RGS7: variants seen among roughly 807,000 people sequenced by gnomAD.
RGS7 encodes the protein regulator of G protein signaling 7.
RGS7 carries 27 observed loss-of-function variants against 81.1 expected under a neutral mutation model. The observed-to-expected ratio is 0.33, with a 90% confidence interval of 0.25 to 0.46. The LOEUF (loss-of-function observed/expected upper bound fraction) is 0.46, where lower values mean the gene tolerates loss of function less well. Among genes scored for constraint, RGS7 ranks in the 20% least tolerant of loss-of-function variants. The pLI is 1.00. For missense variants in RGS7, 396 were observed against 607.4 expected, an observed-to-expected ratio of 0.65 and a Z score of 3.66; for synonymous variants, 208 against 207.7, an observed-to-expected ratio of 1.00 and a Z score of -0.01.
chr1:241,264,777 A>G (rs2077499027), intron 2 of RGS7, among the ~76,000 whole-genome samples: 1 of 152,194 alleles, frequency 6.6e-6, no homozygotes, highest in African/African-American at 2.4e-5. Context: ...CAGTGGTTGG[A>G]GCAGAAAAGG....
At chr1:241,043,683 AGAT>A (rs893045149) in intron 3 of RGS7, among the ~76,000 whole-genome samples, 3 of 149,278 alleles carry the variant, frequency 2.0e-5, no homozygotes, top group African/African-American at 7.3e-5. Flanking sequence ...ATCTATATAT[AGAT>A]ATGAGAAAAA....
chr1:240,830,190 T>C (rs1693592667), intron 9 of RGS7, among the ~76,000 whole-genome samples: 1 of 152,214 alleles, frequency 6.6e-6, no homozygotes, highest in African/African-American at 2.4e-5. Context: ...AAGCCTCTTA[T>C]GTGGCAGTCA....
chr1:241,328,973 T>C (rs1332879402), intron 2 of RGS7, among the ~76,000 whole-genome samples: 8 of 152,172 alleles, frequency 5.3e-5, no homozygotes, highest in Non-Finnish European at 1.0e-4. Flanking sequence ...AAATGTGAAA[T>C]GGAAGTCATT....
chr1:241,226,412 G>A (rs765452225), intron 2 of RGS7, among the ~76,000 whole-genome samples: 1 of 152,164 alleles, frequency 6.6e-6, no homozygotes, highest in Non-Finnish European at 1.5e-5. Flanking sequence ...TGGTAGTTAG[G>A]ATGATTGGAT....
intron 3 of RGS7, among the ~76,000 whole-genome samples, chr1:241,090,600 C>T (rs1354257573): frequency 6.6e-6 from 1 of 152,132 alleles, no homozygotes; most frequent in Non-Finnish European, 1.5e-5. Flanking sequence ...TGATGTGTTG[C>T]TATTTCAATT....
chr1:241,304,369 A>C (rs1414982722), intron 2 of RGS7, among the ~76,000 whole-genome samples: 2 of 152,234 alleles, frequency 1.3e-5, no homozygotes, highest in Admixed American at 6.5e-5. Flanking sequence ...AAACCAGAGT[A>C]TAACTCTGGA....
chr1:241,186,433 G>GTT (rs895301395), intron 2 of RGS7: 4 of 903,408 alleles, frequency 4.4e-6, no homozygotes, highest in East Asian at 1.2e-4. Flanking sequence ...ATCTAAGATT[G>GTT]TTTTTTTTCT....
chr1:240,965,871 T>C (rs528566595), intron 4 of RGS7, among the ~76,000 whole-genome samples: 1 of 152,306 alleles, frequency 6.6e-6, no homozygotes, highest in Non-Finnish European at 1.5e-5. Context: ...TGTTAGTAAA[T>C]CGGGCACATT....
Position 240,868,989 on chromosome 1 carries a change from A to T in RGS7, c.451-137T>A. ...TAAGTGTACTGTGGTTCTCAATGAT[A>T]AGTCATGCTCCCTGAATTCAGCTCA... On this transcript the variant is annotated intron_variant, in intron 7 of 18. Transcript: ENST00000440928. This position sits in a 1 kb window ranked among gnomAD's most constrained non-coding sequence, Gnocchi z 5.1. 1.3e-6 allele frequency: 1 copy of T among 786,784 alleles called. No individual in the cohort carries two copies. Among genetic ancestry groups the T allele is most frequent in the Non-Finnish European group, 2.2e-6 (1 of 449,016 alleles). The allele number at this position is 786,784 out of a possible 1,614,324, so 48.7% of individuals were successfully genotyped here.
At chr1:241,232,200 C>A in intron 2 of RGS7, among the ~76,000 whole-genome samples, 1 of 151,748 alleles carries the variant, frequency 6.6e-6, no homozygotes, top group South Asian at 2.1e-4. Flanking sequence ...TATTCTCTCT[C>A]TCTCTCTCTC....
intron 10 of RGS7, among the ~76,000 whole-genome samples, chr1:240,825,947 G>C (rs935777672): frequency 2.0e-5 from 3 of 152,186 alleles, no homozygotes; most frequent in Non-Finnish European, 2.9e-5. Flanking sequence ...AAAGTATTTC[G>C]AAGAGTAATT....
At chr1:240,903,891 C>T (rs1218425624) in intron 6 of RGS7, among the ~76,000 whole-genome samples, 2 of 152,224 alleles carry the variant, frequency 1.3e-5, no homozygotes, top group South Asian at 2.1e-4. Context: ...TTCACCTTCT[C>T]CCATGAGAGG....
rs141894093 is a variant in RGS7, at chr1:241,195,460, G to A, written c.79-96698C>T. 4.1e-3 allele frequency among the ~76,000 whole-genome samples: 628 copies of A among 152,030 alleles called. 12 individuals carry two copies. The highest frequency in any genetic ancestry group is 0.015 in the African/African-American group (606 of 41,440). ...CATTGCACTCCAGCCTGGGTGAAAA[G>A]AGCAAGACTCCATCTAAAATAAATA... is the stretch of plus-strand genomic sequence containing the variant. On this transcript the variant is annotated intron_variant, in intron 2 of 18. Transcript: ENST00000440928.
At chr1:241,104,722 T>C (rs1294195056) in intron 2 of RGS7, among the ~76,000 whole-genome samples, 1 of 152,242 alleles carries the variant, frequency 6.6e-6, no homozygotes, top group Non-Finnish European at 1.5e-5. Flanking sequence ...ATTGCTGAAC[T>C]CATTCAAAAC....
At chr1:240,892,401 T>C (rs183034583) in intron 6 of RGS7, among the ~76,000 whole-genome samples, 122 of 152,284 alleles carry the variant, frequency 8.0e-4, no homozygotes, top group Non-Finnish European at 8.5e-4. Context: ...TTTCAAGCTA[T>C]GGAAATAAGT....
intron 3 of RGS7, among the ~76,000 whole-genome samples, chr1:241,043,661 A>T (rs1438082203): frequency 6.9e-6 from 1 of 145,824 alleles, no homozygotes; most frequent in African/African-American, 2.5e-5. Flanking sequence ...TATTTATATA[A>T]TATTATGTTA....
In RGS7 at chr1:240,868,039, A is replaced by AAAAGAAAGAAAG. The variant is rs142198054; in HGVS notation, c.609+536_609+547dup. ...AGAAAGAAAGAAAAGAAAAGAAGAG[A>AAAAGAAAGAAAG]AAAGAAAGAAAGAAAGAAAGAAAAG... is the stretch of plus-strand genomic sequence containing the variant. On this transcript the variant is annotated intron_variant, in intron 9 of 18. Transcript: ENST00000440928. The surrounding 1 kb of genome is among the most constrained non-coding windows in gnomAD (Gnocchi z 5.1). Among the ~76,000 whole-genome samples the AAAAGAAAGAAAG allele has an allele frequency of 2.7e-5, 4 of 150,856 alleles. No homozygotes were observed. Among genetic ancestry groups the AAAAGAAAGAAAG allele is most frequent in the African/African-American group, 9.7e-5 (4 of 41,088 alleles).
At chr1:241,240,011 T>C (rs1384161088) in intron 2 of RGS7, among the ~76,000 whole-genome samples, 1 of 151,632 alleles carries the variant, frequency 6.6e-6, no homozygotes, top group African/African-American at 2.4e-5. Context: ...GCTTGAGGAG[T>C]CAGATAGACA....
intron 4 of RGS7, among the ~76,000 whole-genome samples, chr1:240,946,043 C>A (rs1678548698): frequency 6.6e-6 from 1 of 152,028 alleles, no homozygotes; most frequent in Non-Finnish European, 1.5e-5. Context: ...TGTATTAAAA[C>A]ATTTTTTCTG....
Sources: allele counts gnomAD v4.1 joint callset (sites outside exome capture counted in the v4.1 genomes callset), GRCh38; gene constraint gnomAD v4.1.1; non-coding constraint Gnocchi (gnomAD v3.1); transcripts MANE v1.5; gene names NCBI Gene and HGNC (gene_info 2026-07-23, HGNC 2026-07-21).